The following ZNF287 variants were observed in gnomAD, a reference collection of about 807,000 sequenced individuals.
ZNF287 encodes zinc finger protein 287.
A neutral mutation model predicts 73.7 loss-of-function variants in ZNF287; 31 were observed. The ratio of observed to expected loss-of-function variants is 0.42; its 90% CI spans 0.32 to 0.57. The LOEUF (loss-of-function observed/expected upper bound fraction) is 0.57, where lower values mean the gene tolerates loss of function less well. ZNF287 is among the 20% of genes least tolerant of loss of function. ZNF287 has a pLI of 0.13. For synonymous variants in ZNF287, 301 were observed against 307.2 expected, an observed-to-expected ratio of 0.98 and a Z score of 0.21; for missense variants, 641 against 909.3, an observed-to-expected ratio of 0.70 and a Z score of 3.79.
At position 16,551,594 on chromosome 17, in the gene ZNF287, T is replaced by C. The variant is rs1906662435; in HGVS notation, c.*262A>G. On this transcript the variant is annotated 3_prime_UTR_variant, in exon 6 of 6. Coordinates refer to ENST00000395825, the MANE Select transcript of ZNF287 (RefSeq NM_020653.4). ...GTACTTGAAATAGAGAGTTGATGAG[T>C]TATGTTTTTGAATACCCTTCACAGG... 2.5e-6 allele frequency: 1 copy of C among 400,282 alleles called. No individual in the cohort carries two copies. Among genetic ancestry groups the C allele is most frequent in the African/African-American group, 2.1e-5 (1 of 48,380 alleles). The allele number at this position is 400,282 out of a possible 1,614,324, so 24.8% of individuals were successfully genotyped here. A position where few individuals can be genotyped will look rare whatever the true frequency, so the allele number is the denominator to read the frequency against.
At position 16,569,101 on chromosome 17, in the gene ZNF287, C is replaced by A. The variant is rs1442162622; in HGVS notation, c.-348G>T. On this transcript the variant is annotated 5_prime_UTR_variant, in exon 1 of 6. Coordinates refer to ENST00000395825, the MANE Select transcript of ZNF287 (RefSeq NM_020653.4). ...CGCCACTTCCCTTCCCCGCAAAGCA[C>A]AGAGTGTCCCGGCCAGGAGCTGCAC... 6.6e-6 allele frequency: 1 copy of A among 152,524 alleles called. No homozygotes were observed. The highest frequency in any genetic ancestry group is 1.5e-5 in the Non-Finnish European group (1 of 68,270). The allele number at this position is 152,524 out of a possible 1,614,324, so 9.4% of individuals were successfully genotyped here. A position where few individuals can be genotyped will look rare whatever the true frequency, so the allele number is the denominator to read the frequency against.
intron 1 of ZNF287, chr17:16,568,264 G>C (rs966332772): frequency 6.6e-6 from 1 of 152,600 alleles, no homozygotes; most frequent in Non-Finnish European, 1.5e-5. Context: ...AAGCTGTAAT[G>C]ACTGAACGGA....
At chr17:16,561,543 T>C (rs780594332) in intron 5 of ZNF287, among the ~76,000 whole-genome samples, 6 of 152,152 alleles carry the variant, frequency 3.9e-5, no homozygotes, top group Non-Finnish European at 8.8e-5. Flanking sequence ...AATGATGAGA[T>C]GAATTACCAT....
intron 5 of ZNF287, among the ~76,000 whole-genome samples, chr17:16,560,018 C>T (rs138389363): frequency 0.077 from 11,183 of 144,860 alleles, 1,397 homozygotes; most frequent in African/African-American, 0.26. Flanking sequence ...AGTGGCACAA[C>T]CTTGGCTCAC....
rs1906553000 is a variant in ZNF287, at chr17:16,550,180, G to T, written c.*1676C>A. On this transcript the variant is annotated 3_prime_UTR_variant, in exon 6 of 6. Coordinates refer to ENST00000395825, the MANE Select transcript of ZNF287 (RefSeq NM_020653.4). ...GAGACCCACAAACCCAGTTATCATT[G>T]TTTAATGATTACTGCATCAATGCTT... Among the ~76,000 whole-genome samples the T allele has an allele frequency of 6.6e-6, 1 of 152,242 alleles. No individual in the cohort carries two copies. Among genetic ancestry groups the T allele is most frequent in the South Asian group, 2.1e-4 (1 of 4,820 alleles).
rs1483461266 is a variant in ZNF287, at chr17:16,550,494, A to AT, written c.*1361dup. 6.6e-6 allele frequency among the ~76,000 whole-genome samples: 1 copy of AT among 152,038 alleles called. No individual in the cohort carries two copies. The highest frequency in any genetic ancestry group is 1.9e-4 in the East Asian group (1 of 5,182). ...TGCAGTGAATTCAGATCTATTTTCC[A>AT]TTTTTTTCTCACATTATTTATATAG... On this transcript the variant is annotated 3_prime_UTR_variant, in exon 6 of 6. Transcript: ENST00000395825.
intron 5 of ZNF287, among the ~76,000 whole-genome samples, chr17:16,556,809 A>G (rs1907104217): frequency 6.6e-6 from 1 of 152,182 alleles, no homozygotes; most frequent in Non-Finnish European, 1.5e-5. Context: ...TAAAGTGACA[A>G]GGCTGAATAG....
chr17:16,554,460 C>T (rs1299029986), intron 5 of ZNF287, among the ~76,000 whole-genome samples: 1 of 152,166 alleles, frequency 6.6e-6, no homozygotes, highest in African/African-American at 2.4e-5. Flanking sequence ...AGATATGAGC[C>T]GCCACACCTG....
At chr17:16,567,110 C>G (rs1034486466) in intron 2 of ZNF287, among the ~76,000 whole-genome samples, 2 of 152,142 alleles carry the variant, frequency 1.3e-5, no homozygotes, top group Non-Finnish European at 2.9e-5. Context: ...TGTTTGCTCC[C>G]AAGCAATCTG....
Position 16,566,529 on chromosome 17 carries a change from G to T in ZNF287, c.497C>A (p.Thr166Asn), listed in dbSNP as rs1236728564. ...AGAAAAGACAGTCACACTCACTTTGGTCACCAAGTCATTTAGCCATCCTGT... is the reference window on the plus strand; with the variant it reads ...AGAAAAGACAGTCACACTCACTTTGTTCACCAAGTCATTTAGCCATCCTGT... ...FQTGWLNDLV[T>N]KESMTFKDVA... Residue 166 changes from threonine (T) to asparagine (N), a missense_variant, in exon 3 of 6, where the codon ACC becomes AAC. Physicochemically the swap from Thr to Asn is moderately conservative, Grantham distance 65. Transcript: ENST00000395825. 3.1e-6 allele frequency: 5 copies of T among 1,611,624 alleles called. No homozygotes were observed. In the South Asian group the frequency reaches 4.4e-5, roughly 14 times the overall value.
At chr17:16,560,514 T>C (rs1907372582) in intron 5 of ZNF287, among the ~76,000 whole-genome samples, 7 of 151,544 alleles carry the variant, frequency 4.6e-5, no homozygotes, top group African/African-American at 1.5e-4. Flanking sequence ...CACGCCCAGC[T>C]AATTTTTGTA....
chr17:16,556,165 GACAC>G (rs137989045), intron 5 of ZNF287, among the ~76,000 whole-genome samples: 46 of 144,294 alleles, frequency 3.2e-4, no homozygotes, highest in South Asian at 8.9e-4. Context: ...GACAGACACA[GACAC>G]ACACACACAC....
At position 16,551,105 on chromosome 17, in the gene ZNF287, G is replaced by GT. The variant is rs897411013; in HGVS notation, c.*750dup. On this transcript the variant is annotated 3_prime_UTR_variant, in exon 6 of 6. Transcript: ENST00000395825. ...AGAAATCTTTAAGATACTTCCAACT[G>GT]TTTTTTTTTCAAACCTACTGGCTCC... 5.1e-4 allele frequency among the ~76,000 whole-genome samples: 77 copies of GT among 149,536 alleles called. No individual in the cohort carries two copies. Among genetic ancestry groups the GT allele is most frequent in the South Asian group, 1.3e-3 (6 of 4,708 alleles).
chr17:16,558,947 A>T (rs1907245109), intron 5 of ZNF287: 1 of 152,200 alleles, frequency 6.6e-6, no homozygotes, highest in African/African-American at 2.4e-5. Context: ...ATTGCACTCC[A>T]GCTTGGGTGA....
intron 5 of ZNF287, among the ~76,000 whole-genome samples, chr17:16,557,152 C>A (rs539386326): frequency 3.9e-5 from 6 of 152,074 alleles, no homozygotes; most frequent in Non-Finnish European, 7.4e-5. Context: ...GACCGATAAA[C>A]GCACATTTTA....
At chr17:16,568,393 G>C (rs1179595013) in intron 1 of ZNF287, among the ~76,000 whole-genome samples, 1 of 152,130 alleles carries the variant, frequency 6.6e-6, no homozygotes, top group Non-Finnish European at 1.5e-5. Context: ...ATTTATCTGC[G>C]TTGCATGTTA....
intron 3 of ZNF287, among the ~76,000 whole-genome samples, chr17:16,565,772 A>C (rs1401326639): frequency 6.6e-6 from 1 of 152,186 alleles, no homozygotes; most frequent in East Asian, 1.9e-4. Context: ...GGATCACCTG[A>C]GGTCAGGAGT....
chr17:16,560,127 A>G (rs1309764990), intron 5 of ZNF287, among the ~76,000 whole-genome samples: 3 of 150,988 alleles, frequency 2.0e-5, no homozygotes, highest in Non-Finnish European at 4.4e-5. Context: ...TAATTTTTGT[A>G]TTATTATTAT....
chr17:16,567,260 G>T, intron 2 of ZNF287, 69 bp downstream of exon 2: 1 of 1,535,676 alleles, frequency 6.5e-7, no homozygotes, highest in Admixed American at 2.0e-5. Context: ...TAAAGGAGCT[G>T]CTCAGATGTG....
Sources: allele counts gnomAD v4.1 joint callset (sites outside exome capture counted in the v4.1 genomes callset), GRCh38; gene constraint gnomAD v4.1.1; transcripts MANE v1.5; gene names NCBI Gene and HGNC (gene_info 2026-07-23, HGNC 2026-07-21).